Variants in MSI1 observed in about 807,000 individuals in gnomAD.
The protein encoded by MSI1 is musashi RNA binding protein 1.
A neutral mutation model predicts 54.4 loss-of-function variants in MSI1; 15 were observed. The observed-to-expected ratio is 0.28, with a 90% CI of 0.18 to 0.42. The LOEUF (loss-of-function observed/expected upper bound fraction) is 0.42, where lower values mean the gene tolerates loss of function less well. Among genes scored for constraint, MSI1 ranks in the 20% least tolerant of loss-of-function variants. The pLI, the probability that MSI1 is intolerant of heterozygous loss-of-function variation, is 1.00. For synonymous variants in MSI1, 200 were observed against 196.5 expected (o/e 1.02, Z -0.15); for missense variants, 304 against 506.0 (o/e 0.60, Z 3.83).
At position 120,368,897 on chromosome 12, in the gene MSI1, A is replaced by G. The variant is rs57898698; in HGVS notation, c.60-24T>C. 7.2e-7 allele frequency: 1 copy of G among 1,392,830 alleles called. No homozygotes were observed. Among genetic ancestry groups the G allele is most frequent in the Admixed American group, 2.3e-5 (1 of 42,956 alleles). The allele number at this position is 1,392,830 out of a possible 1,614,324, so 86.3% of individuals were successfully genotyped here. A position where few individuals can be genotyped will look rare whatever the true frequency, so the allele number is the denominator to read the frequency against. ...TGCTGCGGGAGGAGGAGAGACACAA[A>G]GGGCCCGCGTGAGCGCCGGGCGCCA... On this transcript the variant is annotated intron_variant, in intron 1 of 14. Transcript: ENST00000257552. This position sits in a 1 kb window ranked among gnomAD's most constrained non-coding sequence, Gnocchi z 6.6.
chr12:120,353,202 A>G, intron 10 of MSI1, 97 bp downstream of exon 10: 1 of 1,175,526 alleles, frequency 8.5e-7, no homozygotes, highest in Non-Finnish European at 1.3e-6. Flanking sequence ...CAGCAAGCAG[A>G]CCCCCAGCCA....
rs974683487 is a variant in MSI1 at position 120,361,720 on chromosome 12, C to T, written c.402+1323G>A. The stretch of plus-strand genomic sequence containing the variant: ...CCCCCTCGGCGGCGGCCCCTCGATC[C>T]GGGCGGGGGGCCCCCCGCCGCGGGG... On this transcript the variant is annotated intron_variant, in intron 6 of 14. Transcript: ENST00000257552. Among the ~76,000 whole-genome samples, 325 of 149,946 alleles carry T rather than the reference C, an allele frequency of 2.2e-3. 4 individuals are homozygous for T. The highest frequency in any genetic ancestry group is 7.7e-3 in the African/African-American group (317 of 41,054).
intron 7 of MSI1, among the ~76,000 whole-genome samples, chr12:120,358,499 G>A (rs1170041088): frequency 1.3e-5 from 2 of 152,170 alleles, no homozygotes; most frequent in Non-Finnish European, 2.9e-5. Context: ...TCTCCTCCTG[G>A]GTGTGCCCCA....
At position 120,369,052 on chromosome 12, in the gene MSI1, C is replaced by G. The variant is rs1876223515; in HGVS notation, c.40G>C (p.Asp14His). The change falls in exon 1 of 15, where the codon GAC (aspartate) becomes CAC (histidine). Residue 14 changes from aspartate to histidine, a missense_variant. By Grantham distance (81) the Asp-to-His change is moderately conservative. Around this residue, in one of 4 missense-constraint regions of MSI1, gnomAD observed 30 missense variants for 24.8 expected, o/e 1.21. Transcript: ENST00000257552. ...CCGTACCAGGGGTCGTGCGGCGAGT[C>G]CGGGGAGGCGAGGCCGGGCTGGGGC... ...DAPQPGLASP[D>H]SPHDPCKMFI... The G allele has an allele frequency of 9.7e-7, 1 of 1,029,970 alleles. No individual in the cohort carries two copies. Among genetic ancestry groups the G allele is most frequent in the Non-Finnish European group, 1.2e-6 (1 of 861,900 alleles). The allele number at this position is 1,029,970 out of a possible 1,614,324, so 63.8% of individuals were successfully genotyped here.
intron 11 of MSI1, among the ~76,000 whole-genome samples, chr12:120,350,039 C>T (rs1456071970): frequency 2.0e-5 from 3 of 152,098 alleles, no homozygotes; most frequent in Non-Finnish European, 4.4e-5. Context: ...CACAGTAGGT[C>T]CGTAACACAT....
chr12:120,355,074 T>C (rs1010179817), intron 9 of MSI1, among the ~76,000 whole-genome samples: 4 of 141,688 alleles, frequency 2.8e-5, no homozygotes, highest in African/African-American at 7.9e-5. Context: ...ATTGGGTCAA[T>C]TGATAAAATT....
chr12:120,360,173 T>G (rs960040494), intron 6 of MSI1, among the ~76,000 whole-genome samples: 7 of 152,120 alleles, frequency 4.6e-5, no homozygotes, highest in African/African-American at 1.7e-4. Flanking sequence ...TTAGTAGAGA[T>G]GGGGTTTCAC....
At chr12:120,349,262 AT>A (rs758962750) in intron 11 of MSI1, among the ~76,000 whole-genome samples, 2 of 151,304 alleles carry the variant, frequency 1.3e-5, no homozygotes, top group African/African-American at 2.4e-5. Flanking sequence ...TGCCTGGCTA[AT>A]TTTTTTTGTA....
At chr12:120,357,765 C>A in intron 8 of MSI1, 51 bp downstream of exon 8, 1 of 1,589,412 alleles carries the variant, frequency 6.3e-7, no homozygotes, top group South Asian at 1.1e-5. Flanking sequence ...CTCAACCTCC[C>A]CAAAGTGCTT....
rs111293994 is a variant in MSI1, at chr12:120,368,326, C to CT, written c.101-54_101-53insA. ...AGCCCGGGCCCCGCGCCCTTCCCCC[C>CT]CCCCCGTCCTTTGCCCCCGGTGACC... is the stretch of plus-strand genomic sequence containing the variant. On this transcript the variant is annotated intron_variant, in intron 2 of 14. Coordinates refer to ENST00000257552, the MANE Select transcript of MSI1 (RefSeq NM_002442.4). This position sits in a 1 kb window ranked among gnomAD's most constrained non-coding sequence, Gnocchi z 6.6. 1,091,241 of 1,521,804 alleles carry CT rather than the reference C, an allele frequency of 0.72. 392,267 individuals are homozygous for CT. Among genetic ancestry groups the CT allele is most frequent in the Admixed American group, 0.79 (39,122 of 49,694 alleles). 94.3% of individuals were successfully genotyped at this position (1,521,804 alleles called of 1,614,324 possible). A position where few individuals can be genotyped will look rare whatever the true frequency, so the allele number is the denominator to read the frequency against.
rs949365001 is a variant in MSI1 at position 120,368,729 on chromosome 12, C to T, written c.100+104G>A. The T allele has an allele frequency of 5.5e-6, 6 of 1,097,042 alleles. No homozygotes were observed. Among genetic ancestry groups the T allele is most frequent in the African/African-American group, 5.0e-5 (3 of 60,116 alleles). The allele number at this position is 1,097,042 out of a possible 1,614,324, so 68.0% of individuals were successfully genotyped here. On this transcript the variant is annotated intron_variant, in intron 2 of 14. Coordinates refer to ENST00000257552, the MANE Select transcript of MSI1 (RefSeq NM_002442.4). This position sits in a 1 kb window ranked among gnomAD's most constrained non-coding sequence, Gnocchi z 6.6. ...GGCGCGAAAGAGGGCGCGAGGGCGC[C>T]CGGGGTCAGCAGGGCGCAGGGCCGG... is the stretch of plus-strand genomic sequence containing the variant.
chr12:120,356,068 C>A (rs1234679956), intron 9 of MSI1, among the ~76,000 whole-genome samples: 1 of 152,180 alleles, frequency 6.6e-6, no homozygotes, highest in Non-Finnish European at 1.5e-5. Context: ...GCTTTCAAGG[C>A]TCATGGCAGC....
intron 6 of MSI1, among the ~76,000 whole-genome samples, chr12:120,360,274 C>T (rs1410240132): frequency 1.3e-5 from 2 of 152,192 alleles, no homozygotes; most frequent in Non-Finnish European, 2.9e-5. Flanking sequence ...CGTGAGCCAC[C>T]AGGCCCGACC....
rs1033153240 is a variant in MSI1, at chr12:120,368,324, C to G, written c.101-51G>C. 5.5e-6 allele frequency: 8 copies of G among 1,454,958 alleles called. No homozygotes were observed. Among genetic ancestry groups the G allele is most frequent in the Middle Eastern group, 1.9e-4 (1 of 5,166 alleles). The allele number at this position is 1,454,958 out of a possible 1,614,324, so 90.1% of individuals were successfully genotyped here. A position where few individuals can be genotyped will look rare whatever the true frequency, so the allele number is the denominator to read the frequency against. ...CCAGCCCGGGCCCCGCGCCCTTCCC[C>G]CCCCCCCGTCCTTTGCCCCCGGTGA... On this transcript the variant is annotated intron_variant, in intron 2 of 14. Coordinates refer to ENST00000257552, the MANE Select transcript of MSI1 (RefSeq NM_002442.4). This position sits in a 1 kb window ranked among gnomAD's most constrained non-coding sequence, Gnocchi z 6.6.
chr12:120,346,399 C>T, intron 12 of MSI1, 77 bp from the exon 13 acceptor site: 1 of 1,353,124 alleles, frequency 7.4e-7, no homozygotes, highest in African/African-American at 1.5e-5. Context: ...GCCTGTCCCA[C>T]CCACCCTAAC....
chr12:120,341,404 G>C lies in MSI1; in HGVS notation c.*1723C>G, dbSNP rs1319391903. ...GAAAAAGAAGTTACAGATGTGGAGAGAAGAGACACCGGAGGATGGTAACTT... is the reference window on the plus strand; with the variant it reads ...GAAAAAGAAGTTACAGATGTGGAGACAAGAGACACCGGAGGATGGTAACTT... On this transcript the variant is annotated 3_prime_UTR_variant, in exon 15 of 15. Transcript: ENST00000257552. The C allele has an allele frequency of 3.3e-5, 5 of 152,226 alleles. No homozygotes were observed. Among genetic ancestry groups the C allele is most frequent in the Admixed American group, 6.6e-5 (1 of 15,206 alleles). The allele number at this position is 152,226 out of a possible 1,614,324, so 9.4% of individuals were successfully genotyped here.
intron 4 of MSI1, among the ~76,000 whole-genome samples, chr12:120,367,791 G>C (rs1196375547): frequency 6.6e-6 from 1 of 151,980 alleles, no homozygotes; most frequent in Non-Finnish European, 1.5e-5. Context: ...ACTAGGGGAG[G>C]GGGGATGTAG....
chr12:120,368,303 C>G lies in MSI1; in HGVS notation c.101-30G>C. The stretch of plus-strand genomic sequence containing the variant: ...AACCACACACCCGCCTTCGGACCAG[C>G]CCGGGCCCCGCGCCCTTCCCCCCCC... On this transcript the variant is annotated intron_variant, in intron 2 of 14. Transcript: ENST00000257552. The surrounding 1 kb of genome is among the most constrained non-coding windows in gnomAD (Gnocchi z 6.6). The G allele has an allele frequency of 1.3e-6, 2 of 1,534,536 alleles. No homozygotes were observed. Among genetic ancestry groups the G allele is most frequent in the Non-Finnish European group, 1.7e-6 (2 of 1,143,630 alleles).
chr12:120,368,851 T>A lies in MSI1; in HGVS notation c.82A>T (p.Ser28Cys). 1 of 1,467,762 alleles carries A rather than the reference T, an allele frequency of 6.8e-7. No homozygotes were observed. The highest frequency in any genetic ancestry group is 1.3e-5 in the South Asian group (1 of 77,756). The allele number at this position is 1,467,762 out of a possible 1,614,324, so 90.9% of individuals were successfully genotyped here. Residue 28 changes from serine to cysteine, a missense_variant, in exon 2 of 15, where the codon AGT (serine) becomes TGT (cysteine). Ser to Cys is a moderately radical substitution (Grantham distance 112). Transcript: ENST00000257552. The surrounding 1 kb of genome is among the most constrained non-coding windows in gnomAD (Gnocchi z 6.6). ...DPCKMFIGGL[S>C]WQTTQEGLRE... ...CGCTCACCCTGCGTAGTCTGCCAAC[T>A]GAGTCCCCCGATGAACATCTTGCTG...
Sources: allele counts gnomAD v4.1 joint callset (sites outside exome capture counted in the v4.1 genomes callset), GRCh38; gene constraint gnomAD v4.1.1; regional missense constraint gnomAD v4.1.1; non-coding constraint Gnocchi (gnomAD v3.1); transcripts MANE v1.5; gene names NCBI Gene and HGNC (gene_info 2026-07-23, HGNC 2026-07-21).